CT55: variants seen among roughly 807,000 people sequenced by gnomAD.
The protein encoded by CT55 is cancer/testis antigen 55.
CT55 carries 1 observed loss-of-function variant against 12.6 expected under a neutral mutation model. That is an observed-to-expected ratio of 0.08 (90% CI 0.03 to 0.38). CT55 has a LOEUF of 0.38. CT55 is among the 10% of genes least tolerant of loss of function. CT55 has a pLI of 0.99. For synonymous variants in CT55, 43 were observed against 49.7 expected (o/e 0.87, Z 0.57); for missense variants, 109 against 135.4 (o/e 0.80, Z 0.97).
intron 1 of CT55, 79 bp from the exon 2 acceptor site, chrX:135,169,857 C>T (rs2083603148): frequency 1.5e-6 from 1 of 667,331 alleles, no homozygotes. Context: ...CACTCACCAT[C>T]TGCATAACCC....
chrX:135,161,385 G>T (rs1472376825), intron 2 of CT55, among the ~76,000 whole-genome samples: 7 of 111,826 alleles, frequency 6.3e-5, no homozygotes, highest in African/African-American at 2.3e-4. Context: ...GATCACCAGG[G>T]ACTACATTTT....
intron 3 of CT55, among the ~76,000 whole-genome samples, chrX:135,159,104 A>C (rs7057666): frequency 0.01 from 1,149 of 111,943 alleles, 10 homozygotes; most frequent in African/African-American, 0.034. Flanking sequence ...CAACTGAGAC[A>C]GTAAATTGCC....
intron 2 of CT55, among the ~76,000 whole-genome samples, chrX:135,164,635 A>G (rs1401563193): frequency 1.8e-5 from 2 of 112,368 alleles, no homozygotes; most frequent in Non-Finnish European, 3.8e-5. Flanking sequence ...TGCACAGAGT[A>G]GCTGAATACA....
intron 2 of CT55, among the ~76,000 whole-genome samples, 191 bp downstream of exon 2, chrX:135,169,403 T>C (rs1165559887): frequency 1.8e-5 from 2 of 112,315 alleles, no homozygotes; most frequent in East Asian, 5.6e-4. Context: ...AGCTTTTATG[T>C]TTTACAGCAC....
At chrX:135,163,142 C>T (rs2083569496) in intron 2 of CT55, among the ~76,000 whole-genome samples, 1 of 112,130 alleles carries the variant, frequency 8.9e-6, no homozygotes, top group East Asian at 2.8e-4. Context: ...TTCTTCAATA[C>T]GCAGATATAA....
chrX:135,170,863 T>G (rs1556406691), intron 1 of CT55, among the ~76,000 whole-genome samples: 3 of 111,881 alleles, frequency 2.7e-5, no homozygotes, highest in Non-Finnish European at 5.6e-5. Context: ...GTCAACACCT[T>G]CCCGCTTTAG....
At position 135,158,331 on chromosome X, in the gene CT55, A is replaced by C. The variant is rs1556404518; in HGVS notation, c.425-20T>G. On this transcript the variant is annotated intron_variant, in intron 3 of 5. Transcript: ENST00000276241. ...CAAAATCTAAAACAGCCATGGAGAA[A>C]TGTGAGTGTCATGATCTCTTAACTA... 1.0e-6 allele frequency: 1 copy of C among 993,935 alleles called. No homozygotes were observed. Among genetic ancestry groups the C allele is most frequent in the Non-Finnish European group, 1.4e-6 (1 of 697,673 alleles). The allele number at this position is 993,935 out of a possible 1,213,427, so 81.9% of individuals were successfully genotyped here. A position where few individuals can be genotyped will look rare whatever the true frequency, so the allele number is the denominator to read the frequency against.
chrX:135,164,538 T>TAGAAAA (rs1291632365), intron 2 of CT55, among the ~76,000 whole-genome samples: 3 of 111,761 alleles, frequency 2.7e-5, no homozygotes, highest in Non-Finnish European at 5.7e-5. Context: ...ACAAAATAGA[T>TAGAAAA]AGAAAAAAAT....
rs2083601735 is a variant in CT55, at chrX:135,169,624, A to G, written c.249T>C (p.Asp83=). The G allele has an allele frequency of 1.7e-6, 2 of 1,209,177 alleles. No homozygotes were observed. Among genetic ancestry groups the G allele is most frequent in the East Asian group, 5.9e-5 (2 of 33,760 alleles). Residue 83 remains aspartate (D), a synonymous_variant, in exon 2 of 6, where the codon GAT becomes GAC. Transcript: ENST00000276241. The stretch of plus-strand genomic sequence containing the variant: ...TTGCTCTCAATCCATAATGTGGTTT[A>G]TCTTCTTCCACAACCACATTAACTT... ...GQKVNVVVEE[D]KPHYGLRAIK...
At chrX:135,161,076 T>G (rs1321181536) in intron 2 of CT55, among the ~76,000 whole-genome samples, 2 of 109,284 alleles carry the variant, frequency 1.8e-5, no homozygotes, top group Admixed American at 2.0e-4. Context: ...GTTAGGAGCC[T>G]AGGGAGCAAA....
intron 3 of CT55, 32 bp from the exon 4 acceptor site, chrX:135,158,343 T>A (rs781961745): frequency 1.1e-6 from 1 of 911,176 alleles, no homozygotes; most frequent in Non-Finnish European, 1.6e-6. Context: ...GTGAGTGTCA[T>A]GATCTCTTAA....
At chrX:135,166,138 A>C (rs1162929200) in intron 2 of CT55, among the ~76,000 whole-genome samples, 1 of 109,503 alleles carries the variant, frequency 9.1e-6, no homozygotes, top group African/African-American at 3.3e-5. Context: ...AGATGAGGAA[A>C]CAGAAAGAAG....
intron 2 of CT55, among the ~76,000 whole-genome samples, chrX:135,163,525 A>G (rs782058798): frequency 3.7e-4 from 41 of 111,931 alleles, no homozygotes; most frequent in Non-Finnish European, 5.6e-4. Context: ...AGACAAAATT[A>G]AAAGGAAGGA....
chrX:135,167,703 T>C (rs2083592232), intron 2 of CT55, among the ~76,000 whole-genome samples: 1 of 110,561 alleles, frequency 9.0e-6, no homozygotes, highest in Non-Finnish European at 1.9e-5. Context: ...TCTATGTATC[T>C]AGTAAGGGGT....
At chrX:135,170,770 G>A (rs1556406671) in intron 1 of CT55, among the ~76,000 whole-genome samples, 1 of 111,322 alleles carries the variant, frequency 9.0e-6, no homozygotes, top group African/African-American at 3.3e-5. Context: ...GGAGTTTCTC[G>A]CCTACTGGAA....
intron 2 of CT55, among the ~76,000 whole-genome samples, chrX:135,168,581 G>C (rs1191610153): frequency 9.0e-6 from 1 of 111,361 alleles, no homozygotes; most frequent in African/African-American, 3.3e-5. Flanking sequence ...GATGTTGTTG[G>C]GGGAGGGGAC....
At chrX:135,168,209 T>C (rs2083594206) in intron 2 of CT55, among the ~76,000 whole-genome samples, 1 of 111,948 alleles carries the variant, frequency 8.9e-6, no homozygotes, top group Non-Finnish European at 1.9e-5. Context: ...CATCTACGGA[T>C]GAGTGTATAA....
chrX:135,169,471 A>C, intron 2 of CT55, 123 bp downstream of exon 2: 1 of 445,914 alleles, frequency 2.2e-6, no homozygotes, highest in Non-Finnish European at 3.6e-6. Flanking sequence ...GGGGGCTTCA[A>C]ATTGCAGTCT....
At chrX:135,162,489 C>G (rs1222457945) in intron 2 of CT55, among the ~76,000 whole-genome samples, 7 of 112,143 alleles carry the variant, frequency 6.2e-5, no homozygotes, top group African/African-American at 2.3e-4. Flanking sequence ...AATATCGTCA[C>G]TTGACATAAA....
Sources: gnomAD v4.1 joint callset for allele counts (sites outside exome capture counted in the v4.1 genomes callset) on GRCh38, gnomAD v4.1.1 for gene constraint, MANE v1.5 for transcripts, NCBI Gene and HGNC (gene_info 2026-07-23, HGNC 2026-07-21) for gene names.